Variants in MGAM2 observed in about 807,000 individuals in gnomAD.
MGAM2 encodes maltase-glucoamylase 2 (putative).
Under a neutral mutation model 96.1 loss-of-function variants are expected in MGAM2, and 98 were observed. The observed-to-expected ratio is 1.02, with a 90% confidence interval of 0.87 to 1.21. The LOEUF (loss-of-function observed/expected upper bound fraction) is 1.21. Among genes scored for constraint, MGAM2 ranks in the 50% most tolerant of loss-of-function variants. MGAM2 has a pLI of 0.00. For missense variants in MGAM2, 2,055 were observed against 1,182.4 expected (o/e 1.74, Z -10.82); for synonymous variants, 749 against 414.8 (o/e 1.81, Z -9.79).
At chr7:142,173,405 G>A in intron 31 of MGAM2, 51 bp downstream of exon 31, 1 of 692,630 alleles carries the variant, frequency 1.4e-6, no homozygotes, top group South Asian at 1.5e-5. Context: ...GGAATTTGTG[G>A]CTAATTTTAT....
At chr7:142,121,864 T>C (rs1563246742) in intron 3 of MGAM2, among the ~76,000 whole-genome samples, 1 of 151,972 alleles carries the variant, frequency 6.6e-6, no homozygotes, top group African/African-American at 2.4e-5. Flanking sequence ...CATTCATATG[T>C]CTAATCGTAT....
At chr7:142,176,266 G>A (rs899869058) in intron 32 of MGAM2, among the ~76,000 whole-genome samples, 8 of 152,004 alleles carry the variant, frequency 5.3e-5, no homozygotes, top group African/African-American at 1.9e-4. Context: ...ACAAACAATT[G>A]AGTTAAGATC....
At chr7:142,190,597 A>G (rs532276223) in intron 37 of MGAM2, among the ~76,000 whole-genome samples, 187 of 152,104 alleles carry the variant, frequency 1.2e-3, no homozygotes, top group Admixed American at 3.1e-3. Flanking sequence ...TCTTACCTGC[A>G]TGTATGATAA....
chr7:142,219,081 T>C (rs1030534920), intron 47 of MGAM2, among the ~76,000 whole-genome samples: 3 of 152,132 alleles, frequency 2.0e-5, no homozygotes, highest in Non-Finnish European at 4.4e-5. Context: ...TACTAGAGGA[T>C]TCTAGAATCA....
At chr7:142,168,550 G>A (rs867840277) in intron 26 of MGAM2, among the ~76,000 whole-genome samples, 20 of 152,254 alleles carry the variant, frequency 1.3e-4, no homozygotes, top group Non-Finnish European at 2.6e-4. Flanking sequence ...GATTACAGGC[G>A]TGAGCCACCA....
chr7:142,151,789 T>C (rs1453448973), intron 15 of MGAM2, among the ~76,000 whole-genome samples: 1 of 133,316 alleles, frequency 7.5e-6, no homozygotes, highest in African/African-American at 2.7e-5. Flanking sequence ...ATAGTAGGTG[T>C]CTTTCTAATT....
intron 46 of MGAM2, among the ~76,000 whole-genome samples, chr7:142,212,660 A>T (rs1056146929): frequency 1.1e-4 from 17 of 152,234 alleles, no homozygotes; most frequent in Non-Finnish European, 2.1e-4. Context: ...TATGCACCCA[A>T]TACAGAAGCA....
chr7:142,138,389 T>G (rs143028436), intron 9 of MGAM2, among the ~76,000 whole-genome samples, 153 bp from the exon 10 acceptor site: 4 of 152,212 alleles, frequency 2.6e-5, no homozygotes, highest in Admixed American at 2.0e-4. Context: ...AATACATTTA[T>G]GTACTTAGTA....
chr7:142,202,167 C>T (rs1373957480), intron 45 of MGAM2, among the ~76,000 whole-genome samples: 1 of 152,086 alleles, frequency 6.6e-6, no homozygotes, highest in Non-Finnish European at 1.5e-5. Flanking sequence ...GTTGCCAGAT[C>T]CTGGAAGGAA....
In MGAM2 at chr7:142,138,523, CACTT is replaced by C. The variant is rs1795125983; in HGVS notation, c.961-13_961-10del. 1 of 701,832 alleles carries C rather than the reference CACTT, an allele frequency of 1.4e-6. No individual in the cohort carries two copies. Among genetic ancestry groups the C allele is most frequent in the East Asian group, 2.7e-5 (1 of 37,258 alleles). 43.5% of individuals were successfully genotyped at this position (701,832 alleles called of 1,614,324 possible). On this transcript the variant is annotated splice_polypyrimidine_tract_variant and intron_variant, in intron 9 of 47. Coordinates refer to ENST00000477922, the MANE Select transcript of MGAM2 (RefSeq NM_001293626.2). Reference sequence around the variant, plus strand: ...GCTAATGTTATTCTCAAAGCCTACACACTTACTTATCTTTTCAGCTTGTTGGACG... The same window carrying C: ...GCTAATGTTATTCTCAAAGCCTACACACTTATCTTTTCAGCTTGTTGGACG...
chr7:142,213,576 A>C (rs1283008636), intron 46 of MGAM2, among the ~76,000 whole-genome samples: 1 of 152,198 alleles, frequency 6.6e-6, no homozygotes, highest in East Asian at 1.9e-4. Flanking sequence ...AATCTAGAAG[A>C]AATTGATAAA....
chr7:142,155,872 A>C (rs1267899379), intron 17 of MGAM2, among the ~76,000 whole-genome samples: 4 of 152,192 alleles, frequency 2.6e-5, no homozygotes, highest in Non-Finnish European at 5.9e-5. Flanking sequence ...AAGGCTGGGC[A>C]CGGTGGCTCA....
rs151337586 is a variant in MGAM2 at position 142,207,156 on chromosome 7, C to T, written c.5138-1417C>T. Among the ~76,000 whole-genome samples the T allele has an allele frequency of 4.8e-3, 725 of 152,200 alleles. 19 individuals carry two copies. Among genetic ancestry groups the T allele is most frequent in the East Asian group, 0.02 (104 of 5,168 alleles). ...TGAAGTGAAACTGATTTTTCAGAAA[C>T]AGGGAGTTATAGGAACCATATGGGA... On this transcript the variant is annotated intron_variant, in intron 45 of 47. Coordinates refer to ENST00000477922, the MANE Select transcript of MGAM2 (RefSeq NM_001293626.2).
At chr7:142,195,344 TC>T (rs1796999160) in intron 37 of MGAM2, among the ~76,000 whole-genome samples, 3 of 120,096 alleles carry the variant, frequency 2.5e-5, no homozygotes, top group African/African-American at 8.9e-5. Flanking sequence ...TCCTTTTTAC[TC>T]TTTTTTTTTT....
At chr7:142,179,015 T>A (rs1411649917) in intron 32 of MGAM2, among the ~76,000 whole-genome samples, 2 of 152,042 alleles carry the variant, frequency 1.3e-5, no homozygotes, top group Non-Finnish European at 2.9e-5. Context: ...TATTCTATCC[T>A]TTCTGTTGTT....
rs976552945 is a variant in MGAM2 at position 142,173,341 on chromosome 7, C to G, written c.3674C>G (p.Ala1225Gly). 4 of 702,300 alleles carry G rather than the reference C, an allele frequency of 5.7e-6. No individual in the cohort carries two copies. The highest frequency in any genetic ancestry group is 4.0e-5 in the Admixed American group (2 of 49,986). The allele number at this position is 702,300 out of a possible 1,614,324, so 43.5% of individuals were successfully genotyped here. Reference protein sequence around the residue: ...ISSLYDAMVAAQIPYDVQHVD... With the variant: ...ISSLYDAMVAGQIPYDVQHVD... ...AGTTTGTATGATGCAATGGTGGCAG[C>G]CCAGATTCCCTATGTATGAAACCCT... Residue 1225 changes from alanine (A) to glycine (G), a missense_variant, in exon 31 of 48, where the codon GCC (alanine) becomes GGC (glycine). Ala to Gly is a moderately conservative substitution (Grantham distance 60, BLOSUM62 0). Coordinates refer to ENST00000477922, the MANE Select transcript of MGAM2 (RefSeq NM_001293626.2).
In MGAM2 at chr7:142,120,408, G is replaced by C. The variant is rs754480694; in HGVS notation, c.186+27G>C. 5.7e-6 allele frequency: 4 copies of C among 702,096 alleles called. No homozygotes were observed. In the African/African-American group the frequency reaches 7.0e-5, roughly 12 times the overall value. The allele number at this position is 702,096 out of a possible 1,614,324, so 43.5% of individuals were successfully genotyped here. The stretch of plus-strand genomic sequence containing the variant: ...TCAGAGAAATAAGGTCCCTTTTGGT[G>C]GCCTACAGGGTGTTATTGAAAAGAA... On this transcript the variant is annotated intron_variant, in intron 3 of 47. Transcript: ENST00000477922.
intron 26 of MGAM2, among the ~76,000 whole-genome samples, chr7:142,169,850 C>G (rs1471952690): frequency 6.6e-6 from 1 of 152,098 alleles, no homozygotes; most frequent in Admixed American, 6.6e-5. Context: ...AGAAGAAGAG[C>G]CCTCCTTGGC....
At chr7:142,173,144 A>T (rs1796251773) in intron 30 of MGAM2, 85 bp from the exon 31 acceptor site, 1 of 677,740 alleles carries the variant, frequency 1.5e-6, no homozygotes, top group East Asian at 2.7e-5. Flanking sequence ...TACTTAGCAG[A>T]AACACTCAAG....
Sources: allele counts gnomAD v4.1 joint callset (sites outside exome capture counted in the v4.1 genomes callset), GRCh38; gene constraint gnomAD v4.1.1; transcripts MANE v1.5; gene names NCBI Gene and HGNC (gene_info 2026-07-23, HGNC 2026-07-21).